The following AFF2 variants were observed in gnomAD, a reference collection of about 807,000 sequenced individuals.
The protein encoded by AFF2 is ALF transcription elongation factor 2.
AFF2 carries 14 observed loss-of-function variants against 76.9 expected under a neutral mutation model. The ratio of observed to expected loss-of-function variants is 0.18; its 90% CI spans 0.12 to 0.28. The LOEUF is 0.28. Among genes scored for constraint, AFF2 ranks in the 10% least tolerant of loss-of-function variants. AFF2 has a pLI of 1.00. For synonymous variants in AFF2, 398 were observed against 366.7 expected (o/e 1.09, Z -0.98); for missense variants, 868 against 1,001.1 (o/e 0.87, Z 1.79).
chrX:148,859,579 A>T (rs1169806715), intron 7 of AFF2, among the ~76,000 whole-genome samples: 1 of 110,839 alleles, frequency 9.0e-6, no homozygotes, highest in Non-Finnish European at 1.9e-5. Flanking sequence ...AAACAAATGG[A>T]ATTTTCCTAC....
intron 9 of AFF2, among the ~76,000 whole-genome samples, chrX:148,924,103 A>T (rs1557283497): frequency 8.9e-6 from 1 of 112,065 alleles, no homozygotes; most frequent in Non-Finnish European, 1.9e-5. Context: ...CAGATTTTTA[A>T]TTTTTCTATA....
intron 3 of AFF2, among the ~76,000 whole-genome samples, chrX:148,689,365 G>T (rs2054628954): frequency 9.0e-6 from 1 of 111,353 alleles, no homozygotes; most frequent in Non-Finnish European, 1.9e-5. Flanking sequence ...ACAAAACTCA[G>T]CCCATTGCAC....
intron 1 of AFF2, among the ~76,000 whole-genome samples, chrX:148,638,148 G>A (rs1443224837): frequency 8.9e-6 from 1 of 111,741 alleles, no homozygotes; most frequent in Non-Finnish European, 1.9e-5. Context: ...CATTGTATTA[G>A]TCTATTATTG....
At chrX:148,908,587 T>G (rs1557281701) in intron 9 of AFF2, among the ~76,000 whole-genome samples, 2 of 111,719 alleles carry the variant, frequency 1.8e-5, no homozygotes, top group Non-Finnish European at 3.8e-5. Flanking sequence ...CCTTGTTTGA[T>G]CTCATATCAA....
chrX:148,551,046 T>C (rs1489263934), intron 1 of AFF2, among the ~76,000 whole-genome samples: 3 of 109,606 alleles, frequency 2.7e-5, no homozygotes, highest in Non-Finnish European at 5.7e-5. Flanking sequence ...CTAATGTCTC[T>C]TGGGAGGGGG....
chrX:148,677,972 A>G (rs2054504000), intron 3 of AFF2, among the ~76,000 whole-genome samples: 1 of 112,074 alleles, frequency 8.9e-6, no homozygotes, highest in Non-Finnish European at 1.9e-5. Flanking sequence ...GCAGGAGGAA[A>G]GAGTGGAATT....
intron 3 of AFF2, among the ~76,000 whole-genome samples, chrX:148,795,909 A>G (rs1245292135): frequency 1.4e-4 from 11 of 78,969 alleles, no homozygotes; most frequent in Non-Finnish European, 2.4e-4. Flanking sequence ...TTTCAAGATT[A>G]GTGTGATCAT....
chrX:148,980,674 T>C lies in AFF2; in HGVS notation c.3571-64T>C. On this transcript the variant is annotated intron_variant, in intron 18 of 20. Coordinates refer to ENST00000370460, the MANE Select transcript of AFF2 (RefSeq NM_002025.4). The stretch of plus-strand genomic sequence containing the variant: ...TACTCTAAATCACACTTCCATCTGT[T>C]TCTGAATTAATAAAACACAAAATAG... The C allele has an allele frequency of 4.3e-6, 4 of 936,528 alleles. No homozygotes were observed. In the South Asian group the frequency reaches 6.2e-5, roughly 15 times the overall value. The allele number at this position is 936,528 out of a possible 1,213,427, so 77.2% of individuals were successfully genotyped here.
intron 3 of AFF2, among the ~76,000 whole-genome samples, chrX:148,675,854 C>A (rs2124483424): frequency 9.1e-6 from 1 of 109,691 alleles, no homozygotes; most frequent in South Asian, 4.0e-4. Context: ...ACTTCCCTTC[C>A]CAGTCAAGAT....
At chrX:148,951,746 TACTGACACTAAAGAGAGATCTAC>T (rs781790719) in intron 9 of AFF2, among the ~76,000 whole-genome samples, 6 of 109,959 alleles carry the variant, frequency 5.5e-5, no homozygotes, top group Non-Finnish European at 7.6e-5. Flanking sequence ...AGGGTATCAT[TACTGACACTAAAGAGAGATCTAC>T]AAAGGAATGC....
chrX:148,700,677 G>T (rs782390952), intron 3 of AFF2, among the ~76,000 whole-genome samples: 29 of 110,246 alleles, frequency 2.6e-4, no homozygotes, highest in Non-Finnish European at 5.3e-4. Context: ...ATTAAAAATT[G>T]TTGTTGTTGT....
At position 148,636,177 on chromosome X, in the gene AFF2, G is replaced by C. The variant is rs183392670; in HGVS notation, c.48-15822G>C. On this transcript the variant is annotated intron_variant, in intron 1 of 20. Coordinates refer to ENST00000370460, the MANE Select transcript of AFF2 (RefSeq NM_002025.4). Reference sequence around the variant, plus strand: ...CAGTCTGTGTTGGATCATACATTACGATGAATAGAGGCAATTATAGGCAGA... The same window carrying C: ...CAGTCTGTGTTGGATCATACATTACCATGAATAGAGGCAATTATAGGCAGA... Among the ~76,000 whole-genome samples the C allele has an allele frequency of 1.8e-5, 2 of 111,209 alleles. 1 individual carries two copies. Among genetic ancestry groups the C allele is most frequent in the Admixed American group, 1.9e-4 (2 of 10,433 alleles).
intron 3 of AFF2, among the ~76,000 whole-genome samples, chrX:148,705,402 T>C (rs1171804422): frequency 8.9e-6 from 1 of 112,113 alleles, no homozygotes; most frequent in Non-Finnish European, 1.9e-5. Flanking sequence ...AACAGAATCT[T>C]AGCCAGGAGA....
chrX:148,728,733 C>T (rs1419469096), intron 3 of AFF2, among the ~76,000 whole-genome samples: 1 of 112,087 alleles, frequency 8.9e-6, no homozygotes, highest in Non-Finnish European at 1.9e-5. Context: ...TTCCAATATA[C>T]CTCTATGCCT....
chrX:148,512,423 C>T (rs781842209), intron 1 of AFF2, among the ~76,000 whole-genome samples: 1 of 112,110 alleles, frequency 8.9e-6, no homozygotes, highest in African/African-American at 3.2e-5. Context: ...AGGACACCCA[C>T]GACACACGTC....
At chrX:148,985,292 T>TTTTTTTTTTTTTTC (rs2072454572) in intron 19 of AFF2, among the ~76,000 whole-genome samples, 1 of 54,546 alleles carries the variant, frequency 1.8e-5, no homozygotes, top group African/African-American at 7.2e-5. Flanking sequence ...GGCCTTTTTT[T>TTTTTTTTTTTTTTC]TTTTTTTTTT....
At chrX:148,516,141 C>T (rs1347931587) in intron 1 of AFF2, among the ~76,000 whole-genome samples, 1 of 111,174 alleles carries the variant, frequency 9.0e-6, no homozygotes, top group Non-Finnish European at 1.9e-5. Context: ...TATCTGTGTT[C>T]GCTGTGTTCT....
chrX:148,679,426 C>T (rs1424289409), intron 3 of AFF2, among the ~76,000 whole-genome samples: 1 of 109,885 alleles, frequency 9.1e-6, no homozygotes, highest in African/African-American at 3.3e-5. Flanking sequence ...TTGAATAAGC[C>T]ATTATGCATT....
chrX:148,597,919 G>A (rs927684385), intron 1 of AFF2, among the ~76,000 whole-genome samples: 2 of 112,311 alleles, frequency 1.8e-5, no homozygotes, highest in Non-Finnish European at 3.8e-5. Flanking sequence ...CGGTATAAAG[G>A]TTTCATCTAT....
Sources: gnomAD v4.1 joint callset for allele counts (sites outside exome capture counted in the v4.1 genomes callset) on GRCh38, gnomAD v4.1.1 for gene constraint, MANE v1.5 for transcripts, NCBI Gene and HGNC (gene_info 2026-07-23, HGNC 2026-07-21) for gene names.